TNFRSF10B: variants seen among roughly 807,000 people sequenced by gnomAD.
TNFRSF10B encodes TNF receptor superfamily member 10b, also known as tumor necrosis factor receptor superfamily member 10B.
In TNFRSF10B, 35 loss-of-function variants were observed where a neutral mutation model predicts 41.4. The ratio of observed to expected loss-of-function variants is 0.85; its 90% CI spans 0.65 to 1.12. TNFRSF10B has a LOEUF of 1.12. Ranked by LOEUF, TNFRSF10B falls within the 50% of genes most tolerant of loss-of-function variation. TNFRSF10B has a pLI of 0.00. For missense variants in TNFRSF10B, 584 were observed against 552.7 expected (o/e 1.06, Z -0.57); for synonymous variants, 230 against 215.5 (o/e 1.07, Z -0.59).
chr8:23,021,147 G>A lies in TNFRSF10B; in HGVS notation c.*1524C>T, dbSNP rs1563302083. 2.2e-6 allele frequency: 1 copy of A among 454,130 alleles called. No homozygotes were observed. The highest frequency in any genetic ancestry group is 2.0e-5 in the African/African-American group (1 of 50,118). 28.1% of individuals were successfully genotyped at this position (454,130 alleles called of 1,614,324 possible). ...CCTTCCATGACTGAAATACTATGGA[G>A]AAGGGTTTGCTGGAAAGAGGCTGAA... On this transcript the variant is annotated 3_prime_UTR_variant, in exon 9 of 9. Coordinates refer to ENST00000276431, the MANE Select transcript of TNFRSF10B (RefSeq NM_003842.5).
rs7008854 is a variant in TNFRSF10B, at chr8:23,041,253, C to T, written c.250+1885G>A. ...TGTATTTTTAGTAGAAACAGGGTTT[C>T]GCCATGTTGGTCAGGCTGGTGTCAA... On this transcript the variant is annotated intron_variant, in intron 2 of 8. Coordinates refer to ENST00000276431, the MANE Select transcript of TNFRSF10B (RefSeq NM_003842.5). 3.5e-3 allele frequency among the ~76,000 whole-genome samples: 532 copies of T among 152,116 alleles called. 4 individuals are homozygous for T. Among genetic ancestry groups the T allele is most frequent in the African/African-American group, 0.012 (513 of 41,508 alleles).
intron 2 of TNFRSF10B, among the ~76,000 whole-genome samples, chr8:23,040,617 AAACAAAT>A (rs1273974862): frequency 1.4e-5 from 2 of 144,780 alleles, no homozygotes; most frequent in African/African-American, 2.9e-5. Context: ...GACATAAAGA[AAACAAAT>A]AACTGAAGAG....
intron 2 of TNFRSF10B, among the ~76,000 whole-genome samples, chr8:23,033,312 C>T (rs1023700606): frequency 2.4e-4 from 36 of 152,170 alleles, no homozygotes; most frequent in African/African-American, 7.9e-4. Flanking sequence ...AGGCCGGGTG[C>T]GGTGGCTCAC....
chr8:23,044,111 C>T (rs1004782797), intron 1 of TNFRSF10B, among the ~76,000 whole-genome samples: 9 of 152,214 alleles, frequency 5.9e-5, no homozygotes, highest in African/African-American at 2.2e-4. Flanking sequence ...GAAATCTAGA[C>T]ATTGACTCAT....
intron 7 of TNFRSF10B, 131 bp downstream of exon 7, chr8:23,027,002 T>C (rs953243859): frequency 2.0e-5 from 28 of 1,390,766 alleles, no homozygotes; most frequent in Middle Eastern, 2.4e-4. Flanking sequence ...CTCCATCCCC[T>C]GCAGTCCCCT....
chr8:23,065,409 G>A (rs1040365620), intron 1 of TNFRSF10B, among the ~76,000 whole-genome samples: 3 of 152,204 alleles, frequency 2.0e-5, no homozygotes, highest in Admixed American at 6.5e-5. Flanking sequence ...GCAGCTGCCT[G>A]GAGGACTCTG....
intron 5 of TNFRSF10B, 162 bp downstream of exon 5, chr8:23,028,169 G>T (rs567642547): frequency 7.7e-6 from 7 of 904,814 alleles, no homozygotes; most frequent in African/African-American, 1.6e-5. Flanking sequence ...GTCCTGGGGG[G>T]TGCACGGGAT....
At position 23,030,870 on chromosome 8, in the gene TNFRSF10B, G is replaced by A. The variant is rs1486127168; in HGVS notation, c.253C>T (p.His85Tyr). 2 of 1,606,002 alleles carry A rather than the reference G, an allele frequency of 1.2e-6. No homozygotes were observed. Among genetic ancestry groups the A allele is most frequent in the Admixed American group, 1.7e-5 (1 of 59,408 alleles). ...TCTCTACCGTCTTCTGAGATATGGTGTCCTGGGAGGGGAGAGAAAAGCCGG... is the reference window on the plus strand; with the variant it reads ...TCTCTACCGTCTTCTGAGATATGGTATCCTGGGAGGGGAGAGAAAAGCCGG... ...SPSEGLCPPGHHISEDGRDCI... is the reference protein window; with the variant it reads ...SPSEGLCPPGYHISEDGRDCI... The change falls in exon 3 of 9, where the codon CAC becomes TAC. Residue 85 changes from histidine (H) to tyrosine (Y), a missense_variant and splice_region_variant. Transcript: ENST00000276431.
Position 23,068,807 on chromosome 8 carries a change from G to A in TNFRSF10B, c.88C>T (p.Pro30Ser), listed in dbSNP as rs1255546742. The A allele has an allele frequency of 6.2e-7, 1 of 1,611,334 alleles. No homozygotes were observed. The highest frequency in any genetic ancestry group is 8.5e-7 in the Non-Finnish European group (1 of 1,179,238). The change falls in exon 1 of 9, where the codon CCT (proline) becomes TCT (serine). Residue 30 changes from proline to serine, a missense_variant. By Grantham distance (74) the Pro-to-Ser change is moderately conservative (BLOSUM62 -1). Transcript: ENST00000276431. Reference protein sequence around the residue: ...PGPREARGARPGPRVPKTLVL... With the variant: ...PGPREARGARSGPRVPKTLVL... ...AGGGTCTTGGGGACCCGGGGCCCAG[G>A]CCTGGCTCCCCGCGCCTCCCTGGGT...
chr8:23,029,669 G>A lies in TNFRSF10B; in HGVS notation c.417C>T (p.Cys139=), dbSNP rs375588751. The change falls in exon 4 of 9, where the codon TGC becomes TGT. Residue 139 remains cysteine (C), a synonymous_variant. Coordinates refer to ENST00000276431, the MANE Select transcript of TNFRSF10B (RefSeq NM_003842.5). ...CTTCTTCCCGGAAGGTGCCTTCTTC[G>A]CACTGACACACTGTGTTTCTGGTCG... ...CTTTRNTVCQ[C]EEGTFREEDS... is the part of the protein sequence containing the mutation. The A allele has an allele frequency of 7.9e-5, 128 of 1,613,920 alleles. No homozygotes were observed. Among genetic ancestry groups the A allele is most frequent in the Non-Finnish European group, 9.7e-5 (114 of 1,179,960 alleles).
chr8:23,055,643 A>G (rs1585224723), intron 1 of TNFRSF10B, among the ~76,000 whole-genome samples: 1 of 152,096 alleles, frequency 6.6e-6, no homozygotes, highest in African/African-American at 2.4e-5. Context: ...GGAGGAATTC[A>G]TAACAGGACC....
intron 2 of TNFRSF10B, among the ~76,000 whole-genome samples, chr8:23,040,488 A>ATATAT (rs1351462369): frequency 7.0e-6 from 1 of 143,076 alleles, no homozygotes; most frequent in Admixed American, 7.2e-5. Context: ...ATTTAAGAAA[A>ATATAT]ACAGAAAATA....
chr8:23,041,577 G>A (rs181074843), intron 2 of TNFRSF10B, among the ~76,000 whole-genome samples: 2 of 141,192 alleles, frequency 1.4e-5, no homozygotes, highest in African/African-American at 5.3e-5. Context: ...TCCCTAATCT[G>A]TAAGAATTCA....
rs763576086 is a variant in TNFRSF10B at position 23,020,465 on chromosome 8, G to A, written c.*2206C>T. 9 of 454,084 alleles carry A rather than the reference G, an allele frequency of 2.0e-5. No individual in the cohort carries two copies. The highest frequency in any genetic ancestry group is 1.4e-4 in the South Asian group (9 of 64,476). 28.1% of individuals were successfully genotyped at this position (454,084 alleles called of 1,614,324 possible). On this transcript the variant is annotated 3_prime_UTR_variant, in exon 9 of 9. Transcript: ENST00000276431. The stretch of plus-strand genomic sequence containing the variant: ...AATCCCAGCACTTTCGGAGGCCAAG[G>A]TGGATCACCTGAGGTCAGGAGTTCG...
rs1226331689 is a variant in TNFRSF10B, at chr8:23,021,395, TACTCCTGAGATGG to T, written c.*1263_*1275del. On this transcript the variant is annotated 3_prime_UTR_variant, in exon 9 of 9. Transcript: ENST00000276431. The stretch of plus-strand genomic sequence containing the variant: ...ATAACCAGAAGTGAGCCGGGCCATC[TACTCCTGAGATGG>T]CAACCATTTCACACCATTCTCAAGC... 6 of 454,022 alleles carry T rather than the reference TACTCCTGAGATGG, an allele frequency of 1.3e-5. No individual in the cohort carries two copies. In the East Asian group the frequency reaches 2.8e-4, roughly 21 times the overall value. The allele number at this position is 454,022 out of a possible 1,614,324, so 28.1% of individuals were successfully genotyped here. A position where few individuals can be genotyped will look rare whatever the true frequency, so the allele number is the denominator to read the frequency against.
intron 2 of TNFRSF10B, among the ~76,000 whole-genome samples, chr8:23,034,018 T>C (rs1344943998): frequency 2.6e-5 from 4 of 152,214 alleles, no homozygotes; most frequent in African/African-American, 9.7e-5. Context: ...CACAGTATTA[T>C]GGTACATTTG....
chr8:23,058,812 A>G (rs1261189651), intron 1 of TNFRSF10B, among the ~76,000 whole-genome samples: 1 of 152,108 alleles, frequency 6.6e-6, no homozygotes, highest in East Asian at 1.9e-4. Flanking sequence ...AATCAACAAT[A>G]TTTCCATTTT....
intron 1 of TNFRSF10B, among the ~76,000 whole-genome samples, chr8:23,057,325 G>A (rs1032811111): frequency 5.3e-5 from 8 of 151,552 alleles, no homozygotes; most frequent in African/African-American, 1.5e-4. Context: ...GATTACAGGC[G>A]TGAGCCACCG....
At chr8:23,052,214 G>C (rs952012817) in intron 1 of TNFRSF10B, among the ~76,000 whole-genome samples, 1 of 151,518 alleles carries the variant, frequency 6.6e-6, no homozygotes, top group South Asian at 2.1e-4. Flanking sequence ...CTAATTATTT[G>C]GGTATTTTCT....
Sources: gnomAD v4.1 joint callset for allele counts (sites outside exome capture counted in the v4.1 genomes callset) on GRCh38, gnomAD v4.1.1 for gene constraint, MANE v1.5 for transcripts, NCBI Gene and HGNC (gene_info 2026-07-23, HGNC 2026-07-21) for gene names.